NCBP3: variants seen among roughly 807,000 people sequenced by gnomAD.
NCBP3 encodes nuclear cap-binding protein subunit 3.
In NCBP3, 20 loss-of-function variants were observed where a neutral mutation model predicts 75.7. The observed-to-expected ratio is 0.26, with a 90% CI of 0.19 to 0.38. NCBP3 has a LOEUF of 0.38. NCBP3 is among the 10% of genes least tolerant of loss of function. NCBP3 has a pLI of 1.00. For synonymous variants in NCBP3, 293 were observed against 290.5 expected (o/e 1.01, Z -0.09); for missense variants, 678 against 796.9 (o/e 0.85, Z 1.80).
intron 3 of NCBP3, among the ~76,000 whole-genome samples, chr17:3,836,308 G>A (rs1360780246): frequency 2.0e-5 from 3 of 152,150 alleles, no homozygotes; most frequent in Non-Finnish European, 4.4e-5. Flanking sequence ...TGTGCCAAGC[G>A]CCACTCTATG....
chr17:3,812,547 T>C lies in NCBP3; in HGVS notation c.*497A>G. On this transcript the variant is annotated 3_prime_UTR_variant, in exon 13 of 13. Transcript: ENST00000389005. ...CAGGTCCGTGAGATTCGCCCCACACTAGGGTCCCGGAAGGGTGAGCTGGCC... is the reference window on the plus strand; with the variant it reads ...CAGGTCCGTGAGATTCGCCCCACACCAGGGTCCCGGAAGGGTGAGCTGGCC... 1 of 1,005,134 alleles carries C rather than the reference T, an allele frequency of 9.9e-7. No homozygotes were observed. The highest frequency in any genetic ancestry group is 1.2e-6 in the Non-Finnish European group (1 of 841,654). The allele number at this position is 1,005,134 out of a possible 1,614,324, so 62.3% of individuals were successfully genotyped here. A position where few individuals can be genotyped will look rare whatever the true frequency, so the allele number is the denominator to read the frequency against.
rs370986952 is a variant in NCBP3, at chr17:3,843,146, C to G, written c.189G>C (p.Thr63=). Reference sequence around the variant, plus strand: ...CAGCCTTGTTTTCATATCTTCTGCTCGTGTCCTAACACAAAGGGGAAGGGT... The same window carrying G: ...CAGCCTTGTTTTCATATCTTCTGCTGGTGTCCTAACACAAAGGGGAAGGGT... The part of the protein sequence containing the change: ...RRSLKELIPD[T]SRRYENKAGS... The change falls in exon 2 of 13, where the codon ACG becomes ACC. Residue 63 remains threonine, a synonymous_variant. Coordinates refer to ENST00000389005, the MANE Select transcript of NCBP3 (RefSeq NM_001114118.3). The G allele has an allele frequency of 1.5e-4, 229 of 1,551,406 alleles. 5 individuals are homozygous for G. In the South Asian group the frequency reaches 2.7e-3, roughly 18 times the overall value.
At chr17:3,826,352 G>T in intron 4 of NCBP3, 137 bp from the exon 5 acceptor site, 2 of 862,134 alleles carry the variant, frequency 2.3e-6, no homozygotes, top group Non-Finnish European at 3.4e-6. Context: ...ACCAACTAAT[G>T]AAGAGAAATA....
Position 3,825,820 on chromosome 17 carries a change from C to A in NCBP3, c.634G>T (p.Asp212Tyr), listed in dbSNP as rs373639342. ...ACCTCTCCTTCTTCAGCTTCATCAT[C>A]ATCTGAACTGTCTTCCTGCTTGTCT... The part of the protein sequence containing the change: ...KKDKQEDSSD[D>Y]DEAEEGEVED... The change falls in exon 6 of 13, where the codon GAT (aspartate) becomes TAT (tyrosine). Residue 212 changes from aspartate to tyrosine, a missense_variant. This residue lies in a region of NCBP3 where 98 missense variants were observed against 101.8 expected (regional missense o/e 0.96). Coordinates refer to ENST00000389005, the MANE Select transcript of NCBP3 (RefSeq NM_001114118.3). The A allele has an allele frequency of 3.2e-6, 5 of 1,551,406 alleles. No homozygotes were observed. The highest frequency in any genetic ancestry group is 3.5e-6 in the Non-Finnish European group (4 of 1,146,956).
At chr17:3,845,285 G>C (rs968373265) in intron 1 of NCBP3, among the ~76,000 whole-genome samples, 1 of 152,142 alleles carries the variant, frequency 6.6e-6, no homozygotes, top group East Asian at 1.9e-4. Context: ...TTGACATGTG[G>C]TCAAAAGTAA....
chr17:3,837,179 T>A (rs1389299840), intron 3 of NCBP3, among the ~76,000 whole-genome samples: 2 of 146,722 alleles, frequency 1.4e-5, no homozygotes, highest in East Asian at 2.1e-4. Context: ...AATAAATAAA[T>A]AAAAATTACC....
At chr17:3,839,695 A>G (rs2054032590) in intron 3 of NCBP3, among the ~76,000 whole-genome samples, 1 of 152,168 alleles carries the variant, frequency 6.6e-6, no homozygotes, top group African/African-American at 2.4e-5. Flanking sequence ...TTCCCCACCA[A>G]TCTCAAAATT....
chr17:3,826,019 C>T lies in NCBP3; in HGVS notation c.610+68G>A, dbSNP rs374546229. ...TGGTGATGAGATGCTATATAGAGCT[C>T]TGCTCAGAAACAGGACTGTGTAAAG... On this transcript the variant is annotated intron_variant, in intron 5 of 12. Coordinates refer to ENST00000389005, the MANE Select transcript of NCBP3 (RefSeq NM_001114118.3). 15 of 1,512,446 alleles carry T rather than the reference C, an allele frequency of 9.9e-6. No homozygotes were observed. The East Asian group carries it at 2.0e-4, about 20-fold the overall frequency. The allele number at this position is 1,512,446 out of a possible 1,614,324, so 93.7% of individuals were successfully genotyped here. A position where few individuals can be genotyped will look rare whatever the true frequency, so the allele number is the denominator to read the frequency against.
intron 2 of NCBP3, among the ~76,000 whole-genome samples, chr17:3,840,822 C>A (rs2054050978): frequency 6.6e-6 from 1 of 152,204 alleles, no homozygotes; most frequent in South Asian, 2.1e-4. Context: ...CCTCCTCTTC[C>A]AGCCTCGTGT....
chr17:3,825,584 T>A (rs1271510077), intron 6 of NCBP3, among the ~76,000 whole-genome samples, 183 bp downstream of exon 6: 12 of 152,178 alleles, frequency 7.9e-5, no homozygotes, highest in African/African-American at 2.9e-4. Context: ...AGCACTATTC[T>A]AAGATTTCAA....
At chr17:3,834,104 A>T (rs1197693869) in intron 3 of NCBP3, among the ~76,000 whole-genome samples, 1 of 152,204 alleles carries the variant, frequency 6.6e-6, no homozygotes, top group Admixed American at 6.5e-5. Context: ...GGGGTTCCCT[A>T]GAAAAGAGAA....
chr17:3,829,627 G>A (rs533471262), intron 3 of NCBP3, among the ~76,000 whole-genome samples: 4 of 152,150 alleles, frequency 2.6e-5, no homozygotes, highest in South Asian at 2.1e-4. Flanking sequence ...TAAAATACAC[G>A]ATACCTCTCC....
chr17:3,844,706 C>T (rs768642024), intron 1 of NCBP3, among the ~76,000 whole-genome samples: 12 of 152,124 alleles, frequency 7.9e-5, no homozygotes, highest in Non-Finnish European at 1.8e-4. Context: ...CAAAATTAGC[C>T]GGGCACGGTG....
intron 2 of NCBP3, 109 bp from the exon 3 acceptor site, chr17:3,840,314 A>T (rs760216035): frequency 1.3e-5 from 11 of 816,796 alleles, no homozygotes; most frequent in Non-Finnish European, 2.0e-5. Flanking sequence ...AGAAGAAATA[A>T]GCAACACTAC....
At position 3,814,327 on chromosome 17, in the gene NCBP3, T is replaced by C. The variant is rs1467603224; in HGVS notation, c.1622A>G (p.Lys541Arg). 25 of 1,614,088 alleles carry C rather than the reference T, an allele frequency of 1.5e-5. No individual in the cohort carries two copies. Among genetic ancestry groups the C allele is most frequent in the Non-Finnish European group, 2.1e-5 (25 of 1,179,980 alleles). The change falls in exon 12 of 13, where the codon AAA (lysine) becomes AGA (arginine). Residue 541 changes from lysine to arginine, a missense_variant. This residue lies in a region of NCBP3 where 365 missense variants were observed against 392.7 expected (regional missense o/e 0.93). Coordinates refer to ENST00000389005, the MANE Select transcript of NCBP3 (RefSeq NM_001114118.3). ...KGLYADTREK[K>R]SGNLWTRLGS... ...CCGTTTTAAGTGTTACCAACCTGAT[T>C]TCTTCTCCCGAGTATCGGCGTAGAG...
At position 3,818,283 on chromosome 17, in the gene NCBP3, T is replaced by C. The variant is rs1028836777; in HGVS notation, c.1290A>G (p.Glu430=). ...MKMTMYADEV[E]SQLKNIRNSM... Reference sequence around the variant, plus strand: ...TTTACCTAATATTTTTCAACTGAGATTCCACTTCGTCAGCATACATAGTCA... The same window carrying C: ...TTTACCTAATATTTTTCAACTGAGACTCCACTTCGTCAGCATACATAGTCA... Residue 430 remains glutamate (E), a synonymous_variant, in exon 10 of 13, where the codon GAA becomes GAG. Transcript: ENST00000389005. The surrounding 1 kb of genome is among the most constrained non-coding windows in gnomAD (Gnocchi z 4.7). 3.8e-6 allele frequency: 6 copies of C among 1,582,456 alleles called. No individual in the cohort carries two copies. Among genetic ancestry groups the C allele is most frequent in the Non-Finnish European group, 5.2e-6 (6 of 1,163,942 alleles).
Position 3,822,162 on chromosome 17 carries a change from A to C in NCBP3, c.797-110T>G, listed in dbSNP as rs1165399016. On this transcript the variant is annotated intron_variant, in intron 7 of 12. Coordinates refer to ENST00000389005, the MANE Select transcript of NCBP3 (RefSeq NM_001114118.3). ...TGGAATCAGATCAGCGCAATTTGCC[A>C]ACAAAAAGTAAAAATCCACTACCAA... The C allele has an allele frequency of 4.1e-6, 3 of 731,386 alleles. No individual in the cohort carries two copies. The African/African-American group carries it at 5.3e-5, about 13-fold the overall frequency. The allele number at this position is 731,386 out of a possible 1,614,324, so 45.3% of individuals were successfully genotyped here.
rs1262234828 is a variant in NCBP3, at chr17:3,840,239, T to C, written c.250-34A>G. On this transcript the variant is annotated intron_variant, in intron 2 of 12. Coordinates refer to ENST00000389005, the MANE Select transcript of NCBP3 (RefSeq NM_001114118.3). ...TACAGAAAAAGTGAAAGTAGTAAAA[T>C]ATGGAGAAGGCGAGTTAAATCACAC... 2.0e-6 allele frequency: 3 copies of C among 1,523,416 alleles called. No individual in the cohort carries two copies. The South Asian group carries it at 3.6e-5, about 18-fold the overall frequency. 94.4% of individuals were successfully genotyped at this position (1,523,416 alleles called of 1,614,324 possible).
intron 1 of NCBP3, among the ~76,000 whole-genome samples, chr17:3,843,372 T>C (rs919566440): frequency 6.6e-6 from 1 of 151,046 alleles, no homozygotes; most frequent in Non-Finnish European, 1.5e-5. Flanking sequence ...AGCTGGGCCC[T>C]CAGGCATATG....
Sources: gnomAD v4.1 joint callset for allele counts (sites outside exome capture counted in the v4.1 genomes callset) on GRCh38, gnomAD v4.1.1 for gene constraint, gnomAD v4.1.1 regional missense constraint, Gnocchi (gnomAD v3.1) non-coding constraint, MANE v1.5 for transcripts, NCBI Gene and HGNC (gene_info 2026-07-23, HGNC 2026-07-21) for gene names.